Variants in DLG2 observed in about 807,000 individuals in gnomAD.
The protein encoded by DLG2 is disks large homolog 2.
Under a neutral mutation model 132.5 loss-of-function variants are expected in DLG2, and 45 were observed. That is an observed-to-expected ratio of 0.34 (90% CI 0.27 to 0.44). DLG2 has a LOEUF of 0.44. Ranked by LOEUF, DLG2 falls within the 20% of genes least tolerant of loss-of-function variation. DLG2 has a pLI of 1.00. For missense variants in DLG2, 1,045 were observed against 1,196.9 expected (o/e 0.87, Z 1.87); for synonymous variants, 424 against 419.6 (o/e 1.01, Z -0.13).
chr11:84,967,822 T>C (rs1029924809), intron 6 of DLG2, among the ~76,000 whole-genome samples: 4 of 152,106 alleles, frequency 2.6e-5, no homozygotes, highest in Non-Finnish European at 5.9e-5. Flanking sequence ...TTTGCAATCA[T>C]TAAACCTTTG....
intron 3 of DLG2, among the ~76,000 whole-genome samples, chr11:85,582,548 G>A (rs2078597161): frequency 6.6e-6 from 1 of 150,754 alleles, no homozygotes; most frequent in African/African-American, 2.4e-5. Context: ...TCCAGGCTGG[G>A]CACGGTGGCT....
chr11:85,055,966 T>A (rs1305124602), intron 6 of DLG2, among the ~76,000 whole-genome samples: 1 of 152,172 alleles, frequency 6.6e-6, no homozygotes, highest in East Asian at 1.9e-4. Context: ...ATTAAAGTGA[T>A]ATCCCTGTAC....
intron 6 of DLG2, among the ~76,000 whole-genome samples, chr11:84,698,474 T>G (rs2058851031): frequency 6.6e-6 from 1 of 151,526 alleles, no homozygotes; most frequent in Non-Finnish European, 1.5e-5. Flanking sequence ...GAACAAAGAT[T>G]CAAACATCTA....
intron 7 of DLG2, among the ~76,000 whole-genome samples, chr11:84,389,574 T>C (rs2098784759): frequency 6.6e-6 from 1 of 152,174 alleles, no homozygotes; most frequent in South Asian, 2.1e-4. Context: ...AGCCTTTGCA[T>C]TTGAAGCATG....
At chr11:83,676,916 G>A (rs758929473) in intron 18 of DLG2, among the ~76,000 whole-genome samples, 5 of 152,070 alleles carry the variant, frequency 3.3e-5, no homozygotes, top group Non-Finnish European at 5.9e-5. Context: ...CACTTGGCAC[G>A]TGGTCCATGC....
intron 6 of DLG2, among the ~76,000 whole-genome samples, chr11:84,574,982 A>G (rs1382324216): frequency 6.6e-6 from 1 of 152,064 alleles, no homozygotes; most frequent in African/African-American, 2.4e-5. Context: ...CCTCCTCACA[A>G]TGACTCTGTC....
At chr11:83,553,436 T>C (rs2096439264) in intron 19 of DLG2, among the ~76,000 whole-genome samples, 1 of 151,212 alleles carries the variant, frequency 6.6e-6, no homozygotes, top group African/African-American at 2.5e-5. Flanking sequence ...GAATTATAGA[T>C]GAAAAGCCCT....
chr11:85,373,865 T>C (rs888539228), intron 3 of DLG2, among the ~76,000 whole-genome samples: 1 of 152,172 alleles, frequency 6.6e-6, no homozygotes, highest in African/African-American at 2.4e-5. Flanking sequence ...AATGTAGATC[T>C]GGCCCCTTTG....
At chr11:84,403,756 C>G (rs1392370508) in intron 7 of DLG2, among the ~76,000 whole-genome samples, 2 of 152,132 alleles carry the variant, frequency 1.3e-5, no homozygotes, top group Non-Finnish European at 1.5e-5. Flanking sequence ...CATACTTTAG[C>G]CAGAATTATT....
chr11:84,372,570 T>C (rs1283586294), intron 7 of DLG2, among the ~76,000 whole-genome samples: 6 of 152,192 alleles, frequency 3.9e-5, no homozygotes, highest in Admixed American at 3.9e-4. Flanking sequence ...TTAGAAACAT[T>C]ATAGGCAAAG....
intron 6 of DLG2, among the ~76,000 whole-genome samples, chr11:85,094,963 G>GA (rs2069474640): frequency 6.6e-6 from 1 of 152,126 alleles, no homozygotes; most frequent in African/African-American, 2.4e-5. Context: ...ACACTTAGAG[G>GA]CCATTGTAAG....
intron 18 of DLG2, among the ~76,000 whole-genome samples, chr11:83,716,100 A>C (rs35954003): frequency 0.041 from 6,188 of 152,314 alleles, 173 homozygotes; most frequent in Middle Eastern, 0.092. Flanking sequence ...ATAACATAGC[A>C]AGTGCTCAAT....
At chr11:84,867,748 G>C (rs1293125769) in intron 6 of DLG2, among the ~76,000 whole-genome samples, 1 of 152,152 alleles carries the variant, frequency 6.6e-6, no homozygotes, top group Non-Finnish European at 1.5e-5. Flanking sequence ...AAGGGTACCA[G>C]AGTAAACACA....
chr11:85,612,169 A>G (rs560466621), intron 2 of DLG2, among the ~76,000 whole-genome samples: 5 of 152,376 alleles, frequency 3.3e-5, no homozygotes, highest in Admixed American at 6.5e-5. Context: ...CTGTAACCCT[A>G]TATCACTCCA....
chr11:84,957,981 G>C (rs1214399280), intron 6 of DLG2, among the ~76,000 whole-genome samples: 1 of 152,166 alleles, frequency 6.6e-6, no homozygotes, highest in Non-Finnish European at 1.5e-5. Context: ...AGACAGATCA[G>C]TGTTTGAGTC....
intron 17 of DLG2, among the ~76,000 whole-genome samples, chr11:83,828,812 A>T (rs1398560531): frequency 1.3e-5 from 2 of 152,154 alleles, no homozygotes; most frequent in African/African-American, 4.8e-5. Flanking sequence ...ATACTATGAC[A>T]TGCTGTATTT....
intron 18 of DLG2, among the ~76,000 whole-genome samples, chr11:83,660,282 A>T (rs530912199): frequency 6.6e-6 from 1 of 152,370 alleles, no homozygotes; most frequent in Admixed American, 6.5e-5. Context: ...ATTCTGTGAC[A>T]GAGACGCTAT....
intron 6 of DLG2, among the ~76,000 whole-genome samples, chr11:84,535,285 A>G (rs2099352668): frequency 6.6e-6 from 1 of 152,188 alleles, no homozygotes. Context: ...TCTTTACTTC[A>G]CCCGCTAGGA....
At chr11:83,636,928 G>T (rs2065016490) in intron 18 of DLG2, among the ~76,000 whole-genome samples, 1 of 152,090 alleles carries the variant, frequency 6.6e-6, no homozygotes, top group Non-Finnish European at 1.5e-5. Context: ...TGTCAGAGGT[G>T]CTTATCTGTC....
Sources: gnomAD v4.1 joint callset for allele counts (sites outside exome capture counted in the v4.1 genomes callset) on GRCh38, gnomAD v4.1.1 for gene constraint, MANE v1.5 for transcripts, NCBI Gene and HGNC (gene_info 2026-07-23, HGNC 2026-07-21) for gene names.